The following CDYL2 variants were observed in gnomAD, a reference collection of about 807,000 sequenced individuals.
CDYL2 encodes the protein chromodomain Y like 2.
In CDYL2, 23 loss-of-function variants were observed where a neutral mutation model predicts 49.4. The ratio of observed to expected loss-of-function variants is 0.47; its 90% CI spans 0.34 to 0.66. The LOEUF (loss-of-function observed/expected upper bound fraction) is 0.66. Among genes scored for constraint, CDYL2 ranks in the 30% least tolerant of loss-of-function variants. The pLI, the probability that CDYL2 is intolerant of heterozygous loss-of-function variation, is 0.01. For synonymous variants in CDYL2, 360 were observed against 268.8 expected (o/e 1.34, Z -3.32); for missense variants, 678 against 656.4 (o/e 1.03, Z -0.36).
intron 2 of CDYL2, among the ~76,000 whole-genome samples, chr16:80,672,589 G>A (rs538963696): frequency 1.3e-5 from 2 of 148,426 alleles, no homozygotes; most frequent in East Asian, 2.0e-4. Flanking sequence ...GGAAAGGAAA[G>A]GAAAGGAAAG....
chr16:80,765,455 A>G (rs933789323), intron 1 of CDYL2, among the ~76,000 whole-genome samples: 23 of 151,752 alleles, frequency 1.5e-4, no homozygotes, highest in Admixed American at 1.4e-3. Context: ...CAAATATATA[A>G]GAAAAGCAAT....
chr16:80,641,243 T>A (rs1348295394), intron 2 of CDYL2, among the ~76,000 whole-genome samples: 1 of 152,058 alleles, frequency 6.6e-6, no homozygotes, highest in African/African-American at 2.4e-5. Flanking sequence ...ATGTAGGAGC[T>A]TTAATACATA....
At chr16:80,707,896 T>A (rs1243173454) in intron 1 of CDYL2, among the ~76,000 whole-genome samples, 2 of 152,204 alleles carry the variant, frequency 1.3e-5, no homozygotes, top group Non-Finnish European at 2.9e-5. Context: ...AGACCATTGA[T>A]GCCTCTTAAA....
chr16:80,743,358 A>G (rs1905814910), intron 1 of CDYL2, among the ~76,000 whole-genome samples: 1 of 152,206 alleles, frequency 6.6e-6, no homozygotes, highest in African/African-American at 2.4e-5. Context: ...AAATAGAGAG[A>G]ATTCAAAAGA....
intron 1 of CDYL2, among the ~76,000 whole-genome samples, chr16:80,697,804 T>G (rs1303570383): frequency 6.6e-6 from 1 of 151,700 alleles, no homozygotes; most frequent in Admixed American, 6.6e-5. Flanking sequence ...TTACAGTAGC[T>G]ACAAAAACAT....
chr16:80,761,259 T>G (rs1399502595), intron 1 of CDYL2, among the ~76,000 whole-genome samples: 2 of 152,204 alleles, frequency 1.3e-5, no homozygotes, highest in African/African-American at 4.8e-5. Flanking sequence ...CACCTGTGGT[T>G]ACCAGGCAGC....
chr16:80,654,826 T>A (rs1908735779), intron 2 of CDYL2, among the ~76,000 whole-genome samples: 1 of 152,232 alleles, frequency 6.6e-6, no homozygotes, highest in South Asian at 2.1e-4. Context: ...AACATCAAGA[T>A]GCAGCTCCTG....
chr16:80,798,616 A>G lies in CDYL2; in HGVS notation c.24+5534T>C, dbSNP rs574264126. Among the ~76,000 whole-genome samples, 15 of 152,316 alleles carry G rather than the reference A, an allele frequency of 9.8e-5. No homozygotes were observed. In the South Asian group the frequency reaches 2.5e-3, roughly 25 times the overall value. ...ATAACATACAAATATATGTTCATCA[A>G]CTGTTTATGTTATCAGTAAGACTTC... On this transcript the variant is annotated intron_variant, in intron 1 of 6. Coordinates refer to ENST00000570137, the MANE Select transcript of CDYL2 (RefSeq NM_152342.4).
chr16:80,686,370 TC>T, intron 1 of CDYL2, among the ~76,000 whole-genome samples: 1 of 152,224 alleles, frequency 6.6e-6, no homozygotes, highest in East Asian at 1.9e-4. Context: ...TGTTGTACCC[TC>T]CAAATGCTAA....
chr16:80,803,354 G>A (rs1298233792), intron 1 of CDYL2, among the ~76,000 whole-genome samples: 2 of 152,274 alleles, frequency 1.3e-5, no homozygotes, highest in Non-Finnish European at 1.5e-5. Flanking sequence ...AGAGTACTGG[G>A]CGCTGGGCTG....
intron 1 of CDYL2, among the ~76,000 whole-genome samples, chr16:80,793,985 A>C (rs1253017335): frequency 6.6e-6 from 1 of 152,254 alleles, no homozygotes; most frequent in African/African-American, 2.4e-5. Flanking sequence ...AGTAATTATA[A>C]CTGGTATCGG....
At chr16:80,664,001 C>A (rs1312545950) in intron 2 of CDYL2, among the ~76,000 whole-genome samples, 2 of 152,220 alleles carry the variant, frequency 1.3e-5, no homozygotes, top group Non-Finnish European at 2.9e-5. Flanking sequence ...CATTAAAACC[C>A]TCCAAGGCCA....
intron 1 of CDYL2, among the ~76,000 whole-genome samples, chr16:80,758,603 C>T (rs1482090489): frequency 1.4e-5 from 2 of 141,468 alleles, no homozygotes; most frequent in Non-Finnish European, 3.0e-5. Flanking sequence ...AGGGCAGTGG[C>T]ACGATCTCCG....
chr16:80,662,796 G>A (rs11642330), intron 2 of CDYL2: 2 of 455,100 alleles, frequency 4.4e-6, no homozygotes, highest in South Asian at 1.6e-5. Context: ...TCACACTGTA[G>A]GAAAATCATC....
intron 3 of CDYL2, among the ~76,000 whole-genome samples, chr16:80,626,415 T>A (rs1033381393): frequency 6.6e-6 from 1 of 151,256 alleles, no homozygotes; most frequent in African/African-American, 2.4e-5. Context: ...TAGCAGGCAA[T>A]AATATTGTAG....
chr16:80,672,373 G>T (rs796814640), intron 2 of CDYL2, among the ~76,000 whole-genome samples: 10 of 123,386 alleles, frequency 8.1e-5, no homozygotes, highest in African/African-American at 2.7e-4. Flanking sequence ...AGAGAGATGA[G>T]TAGAACAGGC....
At chr16:80,795,887 A>G (rs1404864150) in intron 1 of CDYL2, among the ~76,000 whole-genome samples, 1 of 152,220 alleles carries the variant, frequency 6.6e-6, no homozygotes, top group Non-Finnish European at 1.5e-5. Context: ...GAAGTAATAG[A>G]CTGAAACAGA....
At chr16:80,699,243 T>C (rs974332177) in intron 1 of CDYL2, among the ~76,000 whole-genome samples, 1 of 152,182 alleles carries the variant, frequency 6.6e-6, no homozygotes, top group African/African-American at 2.4e-5. Flanking sequence ...ATAGTCAAGA[T>C]ATAGAACCAA....
chr16:80,654,743 C>G (rs1908732166), intron 2 of CDYL2, among the ~76,000 whole-genome samples: 4 of 152,238 alleles, frequency 2.6e-5, no homozygotes. Context: ...GGAGATGGGC[C>G]TGTGCCACCC....
Sources: gnomAD v4.1 joint callset for allele counts (sites outside exome capture counted in the v4.1 genomes callset) on GRCh38, gnomAD v4.1.1 for gene constraint, MANE v1.5 for transcripts, NCBI Gene and HGNC (gene_info 2026-07-23, HGNC 2026-07-21) for gene names.